The following NWD2 variants were observed in gnomAD, a reference collection of about 807,000 sequenced individuals.
The protein encoded by NWD2 is NACHT and WD repeat domain-containing protein 2.
Under a neutral mutation model 132.7 loss-of-function variants are expected in NWD2, and 37 were observed. That is an observed-to-expected ratio of 0.28 (90% CI 0.21 to 0.37). The LOEUF (loss-of-function observed/expected upper bound fraction) is 0.37. NWD2 is among the 10% of genes least tolerant of loss of function. NWD2 has a pLI of 1.00. For synonymous variants in NWD2, 705 were observed against 803.0 expected, an observed-to-expected ratio of 0.88 and a Z score of 2.06; for missense variants, 1,592 against 2,122.4, an observed-to-expected ratio of 0.75 and a Z score of 4.91.
At chr4:37,302,616 C>G (rs775712649) in intron 1 of NWD2, among the ~76,000 whole-genome samples, 2 of 152,034 alleles carry the variant, frequency 1.3e-5, no homozygotes, top group Admixed American at 6.6e-5. Context: ...TTCTCACCAG[C>G]ATTTTTTTTA....
chr4:37,307,144 C>T (rs1007793080), intron 1 of NWD2, among the ~76,000 whole-genome samples: 1 of 152,030 alleles, frequency 6.6e-6, no homozygotes, highest in Non-Finnish European at 1.5e-5. Context: ...AGTTTAACTC[C>T]AATGTTGGCT....
chr4:37,397,717 G>C (rs1208366376), intron 3 of NWD2, among the ~76,000 whole-genome samples: 1 of 152,078 alleles, frequency 6.6e-6, no homozygotes, highest in Non-Finnish European at 1.5e-5. Context: ...GAAATTGCTT[G>C]ACGAAGGAAA....
At chr4:37,423,133 CCTGCA>C (rs1309661766) in intron 3 of NWD2, among the ~76,000 whole-genome samples, 3 of 152,114 alleles carry the variant, frequency 2.0e-5, no homozygotes, top group African/African-American at 7.2e-5. Context: ...TCTTGGCAAC[CCTGCA>C]TACAAGCGTG....
chr4:37,301,114 G>A (rs1393946041), intron 1 of NWD2, among the ~76,000 whole-genome samples: 1 of 151,914 alleles, frequency 6.6e-6, no homozygotes, highest in Admixed American at 6.6e-5. Context: ...TCCAGACAGC[G>A]GATTTTTCTC....
chr4:37,358,729 G>A (rs1719919019), intron 3 of NWD2, among the ~76,000 whole-genome samples: 1 of 152,160 alleles, frequency 6.6e-6, no homozygotes, highest in Non-Finnish European at 1.5e-5. Flanking sequence ...CAGTTTTATA[G>A]TATTTCACAC....
chr4:37,447,550 A>G lies in NWD2; in HGVS notation c.*333A>G. The G allele has an allele frequency of 1.7e-5, 4 of 237,350 alleles. No individual in the cohort carries two copies. Among genetic ancestry groups the G allele is most frequent in the South Asian group, 9.4e-5 (1 of 10,648 alleles). The allele number at this position is 237,350 out of a possible 1,614,324, so 14.7% of individuals were successfully genotyped here. ...TGAGAGAGGCTAGAGTTATATACAGATCATTTGGATGGGAATTAGTTCTAC... is the reference window on the plus strand; with the variant it reads ...TGAGAGAGGCTAGAGTTATATACAGGTCATTTGGATGGGAATTAGTTCTAC... On this transcript the variant is annotated 3_prime_UTR_variant, in exon 7 of 7. Coordinates refer to ENST00000309447, the MANE Select transcript of NWD2 (RefSeq NM_001144990.2).
intron 1 of NWD2, among the ~76,000 whole-genome samples, chr4:37,303,540 T>TAG (rs1328021511): frequency 6.6e-6 from 1 of 152,174 alleles, no homozygotes; most frequent in Non-Finnish European, 1.5e-5. Context: ...GTAGATTAGG[T>TAG]AGTATAGTAA....
At position 37,438,986 on chromosome 4, in the gene NWD2, C is replaced by A. The variant is rs1228026195; in HGVS notation, c.892C>A (p.Leu298Met). ...IIRDPEAQEK[L>M]IKLRDEFIPT... The stretch of plus-strand genomic sequence containing the variant: ...TCGGGACCCAGAAGCCCAAGAGAAG[C>A]TGATAAAACTCAGGGATGAATTTAT... Residue 298 changes from leucine (L) to methionine (M), a missense_variant, in exon 6 of 7, where the codon CTG becomes ATG. By Grantham distance (15) the Leu-to-Met change is conservative. Coordinates refer to ENST00000309447, the MANE Select transcript of NWD2 (RefSeq NM_001144990.2). 1.3e-6 allele frequency: 2 copies of A among 1,551,766 alleles called. No individual in the cohort carries two copies. Among genetic ancestry groups the A allele is most frequent in the African/African-American group, 2.7e-5 (2 of 73,042 alleles).
At chr4:37,328,786 A>T (rs1223853319) in intron 2 of NWD2, among the ~76,000 whole-genome samples, 2 of 152,098 alleles carry the variant, frequency 1.3e-5, no homozygotes, top group Non-Finnish European at 1.5e-5. Flanking sequence ...CTTGTGACCC[A>T]TCCTAAAGTA....
intron 1 of NWD2, among the ~76,000 whole-genome samples, chr4:37,275,861 TTTAA>T (rs972929026): frequency 6.6e-6 from 1 of 152,168 alleles, no homozygotes; most frequent in African/African-American, 2.4e-5. Flanking sequence ...GGATTCCCTA[TTTAA>T]TAAATGGTGC....
chr4:37,445,548 G>C lies in NWD2; in HGVS notation c.3560G>C (p.Arg1187Thr). The change falls in exon 7 of 7, where the codon AGA becomes ACA. Residue 1187 changes from arginine (R) to threonine (T), a missense_variant. Physicochemically the swap from Arg to Thr is moderately conservative, Grantham distance 71 (BLOSUM62 -1). This residue lies in a region of NWD2 where 1,071 missense variants were observed against 1,398.0 expected (regional missense o/e 0.77). Transcript: ENST00000309447. The surrounding 1 kb of genome is among the most constrained non-coding windows in gnomAD (Gnocchi z 4.7). ...CTGACTGATGACTTTGATTGCCGAA[G>C]AGAAGACAGTGAGGTGGTCAGCATT... ...PQLTDDFDCR[R>T]EDSEVVSIEL... The C allele has an allele frequency of 1.3e-6, 2 of 1,552,154 alleles. No individual in the cohort carries two copies. Among genetic ancestry groups the C allele is most frequent in the South Asian group, 2.4e-5 (2 of 84,060 alleles).
chr4:37,250,213 A>C (rs1439590281), intron 1 of NWD2, among the ~76,000 whole-genome samples: 2 of 151,964 alleles, frequency 1.3e-5, no homozygotes, highest in Non-Finnish European at 2.9e-5. Context: ...AACATCTTTA[A>C]AACCTAAGTT....
rs1712724683 is a variant in NWD2, at chr4:37,449,273, C to T, written c.*2056C>T. ...CCTAACTTGTTTGCAACTGATAGCT[C>T]ATATTGAATGTTTTTATGTAAACTT... On this transcript the variant is annotated 3_prime_UTR_variant, in exon 7 of 7. Coordinates refer to ENST00000309447, the MANE Select transcript of NWD2 (RefSeq NM_001144990.2). 6.6e-6 allele frequency: 1 copy of T among 152,168 alleles called. No individual in the cohort carries two copies. Among genetic ancestry groups the T allele is most frequent in the Non-Finnish European group, 1.5e-5 (1 of 68,030 alleles). The allele number at this position is 152,168 out of a possible 1,614,324, so 9.4% of individuals were successfully genotyped here. A position where few individuals can be genotyped will look rare whatever the true frequency, so the allele number is the denominator to read the frequency against.
chr4:37,300,145 G>A (rs919363734), intron 1 of NWD2, among the ~76,000 whole-genome samples: 6 of 151,982 alleles, frequency 3.9e-5, no homozygotes, highest in East Asian at 1.9e-4. Flanking sequence ...CCTGATCATC[G>A]GACAAAACTA....
chr4:37,428,036 C>T (rs1712055775), intron 3 of NWD2, among the ~76,000 whole-genome samples: 1 of 152,202 alleles, frequency 6.6e-6, no homozygotes, highest in Non-Finnish European at 1.5e-5. Context: ...ATTTAGTCAA[C>T]AAATGTGTTT....
intron 1 of NWD2, among the ~76,000 whole-genome samples, chr4:37,250,471 C>T (rs1417888742): frequency 6.6e-6 from 1 of 152,082 alleles, no homozygotes; most frequent in Non-Finnish European, 1.5e-5. Flanking sequence ...TTTGAGTTTC[C>T]CAATTTGTAA....
Position 37,245,227 on chromosome 4 carries a change from C to T in NWD2, c.151+9C>T. On this transcript the variant is annotated intron_variant, in intron 1 of 6. Transcript: ENST00000309447. ...CAGCGCCAACCCTGAAGGTACGTCC[C>T]TCGCTCGGGTTTGCCCGTCCGTCCT... The T allele has an allele frequency of 1.3e-6, 2 of 1,531,698 alleles. No individual in the cohort carries two copies. Among genetic ancestry groups the T allele is most frequent in the Non-Finnish European group, 1.8e-6 (2 of 1,141,908 alleles). 94.9% of individuals were successfully genotyped at this position (1,531,698 alleles called of 1,614,324 possible). A position where few individuals can be genotyped will look rare whatever the true frequency, so the allele number is the denominator to read the frequency against.
intron 1 of NWD2, among the ~76,000 whole-genome samples, chr4:37,307,292 C>G (rs779035969): frequency 3.5e-4 from 53 of 152,192 alleles, no homozygotes; most frequent in Non-Finnish European, 6.6e-4. Flanking sequence ...ATACAGGACT[C>G]TCATGTATTT....
At position 37,310,225 on chromosome 4, in the gene NWD2, A is replaced by G. The variant is rs146136379; in HGVS notation, c.152-15711A>G. Reference sequence around the variant, plus strand: ...CTTATTTTCCAAGATTTCTGCTTTCACTGTGCCTTTGGCCTGTCTGTGTGT... The same window carrying G: ...CTTATTTTCCAAGATTTCTGCTTTCGCTGTGCCTTTGGCCTGTCTGTGTGT... On this transcript the variant is annotated intron_variant, in intron 1 of 6. Coordinates refer to ENST00000309447, the MANE Select transcript of NWD2 (RefSeq NM_001144990.2). 4.9e-3 allele frequency among the ~76,000 whole-genome samples: 747 copies of G among 152,318 alleles called. 4 individuals are homozygous for G. Among genetic ancestry groups the G allele is most frequent in the African/African-American group, 0.017 (695 of 41,562 alleles).
Sources: gnomAD v4.1 joint callset for allele counts (sites outside exome capture counted in the v4.1 genomes callset) on GRCh38, gnomAD v4.1.1 for gene constraint, gnomAD v4.1.1 regional missense constraint, Gnocchi (gnomAD v3.1) non-coding constraint, MANE v1.5 for transcripts, NCBI Gene and HGNC (gene_info 2026-07-23, HGNC 2026-07-21) for gene names.